CNTN5: variants seen among roughly 807,000 people sequenced by gnomAD.
CNTN5 encodes the protein contactin-5.
A neutral mutation model predicts 129.1 loss-of-function variants in CNTN5; 77 were observed. The observed-to-expected ratio is 0.60, with a 90% CI of 0.50 to 0.72. The LOEUF (loss-of-function observed/expected upper bound fraction) is 0.72, where lower values mean the gene tolerates loss of function less well. Among genes scored for constraint, CNTN5 ranks in the 30% least tolerant of loss-of-function variants. The pLI, the probability that CNTN5 is intolerant of heterozygous loss-of-function variation, is 0.00. For missense variants in CNTN5, 1,478 were observed against 1,328.8 expected (o/e 1.11, Z -1.75); for synonymous variants, 509 against 465.6 (o/e 1.09, Z -1.20).
chr11:99,957,323 A>T (rs1950829699), intron 8 of CNTN5, among the ~76,000 whole-genome samples: 1 of 152,196 alleles, frequency 6.6e-6, no homozygotes, highest in Non-Finnish European at 1.5e-5. Context: ...CAGTGCCTCT[A>T]TATAACATAT....
intron 8 of CNTN5, among the ~76,000 whole-genome samples, chr11:99,999,702 G>A (rs1279822837): frequency 6.6e-6 from 1 of 152,066 alleles, no homozygotes; most frequent in Non-Finnish European, 1.5e-5. Flanking sequence ...AAAGACACAT[G>A]CACACGTATG....
intron 1 of CNTN5, among the ~76,000 whole-genome samples, chr11:99,156,735 C>G (rs1016318552): frequency 6.6e-6 from 1 of 151,884 alleles, no homozygotes; most frequent in Non-Finnish European, 1.5e-5. Context: ...CAATATTGTT[C>G]TTTTCAGTCA....
At chr11:99,202,484 A>G (rs1218539851) in intron 1 of CNTN5, among the ~76,000 whole-genome samples, 1 of 152,178 alleles carries the variant, frequency 6.6e-6, no homozygotes, top group Non-Finnish European at 1.5e-5. Flanking sequence ...TTGCTACCAG[A>G]AGTGCAGGAA....
At chr11:99,586,374 C>T (rs546171229) in intron 3 of CNTN5, among the ~76,000 whole-genome samples, 2 of 152,256 alleles carry the variant, frequency 1.3e-5, no homozygotes, top group South Asian at 4.1e-4. Context: ...AAAGGACCCT[C>T]TCTGAGCATG....
At chr11:99,552,754 G>A (rs917258512) in intron 2 of CNTN5, among the ~76,000 whole-genome samples, 7 of 152,064 alleles carry the variant, frequency 4.6e-5, no homozygotes, top group South Asian at 2.1e-4. Context: ...GCATACGGCC[G>A]TGGGCAAAAC....
chr11:99,152,479 G>T (rs762745010), intron 1 of CNTN5, among the ~76,000 whole-genome samples: 1 of 152,014 alleles, frequency 6.6e-6, no homozygotes, highest in African/African-American at 2.4e-5. Context: ...GCTTTTTTCT[G>T]TTTTCCATTT....
intron 1 of CNTN5, among the ~76,000 whole-genome samples, chr11:99,207,629 A>G (rs1859549918): frequency 6.6e-6 from 1 of 152,182 alleles, no homozygotes; most frequent in Non-Finnish European, 1.5e-5. Flanking sequence ...ATACATTGCT[A>G]TACTTTGATA....
At chr11:100,099,159 C>T (rs1007614564) in intron 13 of CNTN5, among the ~76,000 whole-genome samples, 4 of 152,044 alleles carry the variant, frequency 2.6e-5, no homozygotes, top group African/African-American at 9.7e-5. Context: ...CTTGGTTATA[C>T]TTAAACATAA....
chr11:99,740,648 A>T (rs1943859703), intron 3 of CNTN5, among the ~76,000 whole-genome samples: 1 of 152,172 alleles, frequency 6.6e-6, no homozygotes, highest in Admixed American at 6.5e-5. Context: ...TGCAGGCCCT[A>T]GCCACACCCT....
At chr11:99,324,001 C>G (rs1865679645) in intron 1 of CNTN5, among the ~76,000 whole-genome samples, 2 of 151,986 alleles carry the variant, frequency 1.3e-5, no homozygotes. Context: ...TTGTATACTA[C>G]AATAATATCT....
intron 4 of CNTN5, 133 bp from the exon 5 acceptor site, chr11:99,844,716 CCTT>C (rs1340473789): frequency 8.1e-6 from 6 of 736,228 alleles, no homozygotes; most frequent in South Asian, 2.0e-5. Flanking sequence ...TCTAGCTATT[CCTT>C]CTTTTGGGAA....
chr11:99,997,143 T>C (rs547783644), intron 8 of CNTN5, among the ~76,000 whole-genome samples: 1 of 152,176 alleles, frequency 6.6e-6, no homozygotes. Context: ...TCTTTATTAG[T>C]CTTGCTAGCG....
intron 2 of CNTN5, among the ~76,000 whole-genome samples, chr11:99,472,203 G>A (rs1340657640): frequency 6.6e-6 from 1 of 152,094 alleles, no homozygotes; most frequent in Non-Finnish European, 1.5e-5. Flanking sequence ...TGGAAATTAA[G>A]TCTGTAGTAT....
At chr11:99,466,723 C>T (rs1410287959) in intron 2 of CNTN5, among the ~76,000 whole-genome samples, 3 of 152,136 alleles carry the variant, frequency 2.0e-5, no homozygotes, top group Non-Finnish European at 4.4e-5. Context: ...GAGACTTAAG[C>T]TCCCCCTATC....
chr11:99,474,617 C>A (rs1945299679), intron 2 of CNTN5, among the ~76,000 whole-genome samples: 1 of 151,654 alleles, frequency 6.6e-6, no homozygotes, highest in Non-Finnish European at 1.5e-5. Flanking sequence ...TTGTTTTTAC[C>A]CAAAAGGTGT....
chr11:100,061,083 G>A lies in CNTN5; in HGVS notation c.981-129G>A, dbSNP rs1943455306. ...CGTGGAAAGTGAAATATATCAACCA[G>A]CACATGGTCCTTAATTGTGATTACA... On this transcript the variant is annotated intron_variant, in intron 9 of 24. Transcript: ENST00000524871. 3 of 632,574 alleles carry A rather than the reference G, an allele frequency of 4.7e-6. No homozygotes were observed. The South Asian group carries it at 1.3e-4, about 28-fold the overall frequency. The allele number at this position is 632,574 out of a possible 1,614,324, so 39.2% of individuals were successfully genotyped here.
chr11:99,841,810 GTGTATATA>G (rs1280522574), intron 4 of CNTN5, among the ~76,000 whole-genome samples: 15 of 132,744 alleles, frequency 1.1e-4, no homozygotes, highest in African/African-American at 3.2e-4. Flanking sequence ...TGTGGTGTGT[GTGTATATA>G]TGTGTGTATA....
intron 1 of CNTN5, among the ~76,000 whole-genome samples, chr11:99,307,221 C>G (rs1003340503): frequency 6.6e-6 from 1 of 152,178 alleles, no homozygotes; most frequent in Non-Finnish European, 1.5e-5. Context: ...AATTATCCAG[C>G]ACTAGAACTA....
chr11:99,302,498 T>A (rs1257683557), intron 1 of CNTN5, among the ~76,000 whole-genome samples: 1 of 151,790 alleles, frequency 6.6e-6, no homozygotes, highest in Non-Finnish European at 1.5e-5. Context: ...CTAAATGGTA[T>A]GCTGTTTATA....
Sources: gnomAD v4.1 joint callset for allele counts (sites outside exome capture counted in the v4.1 genomes callset) on GRCh38, gnomAD v4.1.1 for gene constraint, MANE v1.5 for transcripts, NCBI Gene and HGNC (gene_info 2026-07-23, HGNC 2026-07-21) for gene names.